Variants in DEPTOR observed in about 807,000 individuals in gnomAD.
DEPTOR encodes DEP domain containing MTOR interacting protein, also known as DEP domain-containing mTOR-interacting protein.
Under a neutral mutation model 41.6 loss-of-function variants are expected in DEPTOR, and 41 were observed. The observed-to-expected ratio is 0.98, with a 90% CI of 0.77 to 1.28. DEPTOR has a LOEUF of 1.28. Ranked by LOEUF, DEPTOR falls within the 50% of genes most tolerant of loss-of-function variation. The pLI is 0.00. For synonymous variants in DEPTOR, 195 were observed against 192.3 expected (o/e 1.01, Z -0.12); for missense variants, 514 against 527.9 (o/e 0.97, Z 0.26).
intron 4 of DEPTOR, among the ~76,000 whole-genome samples, chr8:119,976,717 G>A (rs538877160): frequency 6.6e-5 from 10 of 152,198 alleles, no homozygotes; most frequent in Non-Finnish European, 1.0e-4. Flanking sequence ...TGCAGTTGCC[G>A]TCTCCAGATG....
intron 1 of DEPTOR, among the ~76,000 whole-genome samples, chr8:119,924,651 G>C (rs529844081): frequency 6.6e-6 from 1 of 152,184 alleles, no homozygotes; most frequent in South Asian, 2.1e-4. Context: ...TACCCTATCG[G>C]TAAAACAGGC....
At chr8:119,904,239 G>A (rs1011145221) in intron 1 of DEPTOR, among the ~76,000 whole-genome samples, 17 of 150,828 alleles carry the variant, frequency 1.1e-4, no homozygotes, top group East Asian at 4.0e-4. Context: ...TGTCTCAGCC[G>A]CCCCGAGTAG....
intron 3 of DEPTOR, among the ~76,000 whole-genome samples, chr8:119,941,099 C>T (rs557149672): frequency 1.1e-3 from 162 of 151,988 alleles, no homozygotes; most frequent in African/African-American, 3.7e-3. Context: ...TGGGGCTGGG[C>T]GTGGTGGCAG....
chr8:120,019,386 A>T (rs1405682243), intron 8 of DEPTOR, among the ~76,000 whole-genome samples: 2 of 152,114 alleles, frequency 1.3e-5, no homozygotes, highest in East Asian at 3.9e-4. Flanking sequence ...CACTGGTGTC[A>T]CTCTCAATCA....
At chr8:120,007,325 C>T (rs1195232008) in intron 7 of DEPTOR, among the ~76,000 whole-genome samples, 1 of 152,070 alleles carries the variant, frequency 6.6e-6, no homozygotes, top group African/African-American at 2.4e-5. Context: ...TTATTTAAAA[C>T]ATTAGGGGAG....
In DEPTOR at chr8:119,976,470, G is replaced by C. The variant is rs117868212; in HGVS notation, c.604+11060G>C. ...CTTACTGAGGACTTGGCCTTTGCTGGGCACAATACTGGTGTTTATACCAGC... is the reference window on the plus strand; with the variant it reads ...CTTACTGAGGACTTGGCCTTTGCTGCGCACAATACTGGTGTTTATACCAGC... On this transcript the variant is annotated intron_variant, in intron 4 of 8. Transcript: ENST00000286234. Among the ~76,000 whole-genome samples, 48 of 152,176 alleles carry C rather than the reference G, an allele frequency of 3.2e-4. No individual in the cohort carries two copies. The East Asian group carries it at 5.8e-3, about 18-fold the overall frequency.
At chr8:119,890,643 G>A (rs1827441042) in intron 1 of DEPTOR, among the ~76,000 whole-genome samples, 2 of 152,134 alleles carry the variant, frequency 1.3e-5, no homozygotes, top group African/African-American at 2.4e-5. Flanking sequence ...TCAGTCATTT[G>A]TTAAATAATA....
intron 8 of DEPTOR, among the ~76,000 whole-genome samples, chr8:120,045,372 T>A (rs1813138813): frequency 6.6e-6 from 1 of 152,208 alleles, no homozygotes; most frequent in Non-Finnish European, 1.5e-5. Context: ...TTTTTATTTT[T>A]TATCTTTTAT....
At chr8:120,022,157 T>TAAAAAAAAAAAAAAAAAA (rs34125548) in intron 8 of DEPTOR, among the ~76,000 whole-genome samples, 12 of 93,732 alleles carry the variant, frequency 1.3e-4, no homozygotes, top group South Asian at 5.5e-4. Flanking sequence ...GACCCCATCT[T>TAAAAAAAAAAAAAAAAAA]AAAAAAAAAA....
In DEPTOR at chr8:119,929,950, A is replaced by C; in HGVS notation, c.425+12A>C. On this transcript the variant is annotated intron_variant, in intron 3 of 8. Transcript: ENST00000286234. ...AGGCTATATGAAAAGTATGTTCCGC[A>C]TGAAATCCCCCCTGTAATCTTGACT... The C allele has an allele frequency of 6.2e-7, 1 of 1,605,996 alleles. No individual in the cohort carries two copies. Among genetic ancestry groups the C allele is most frequent in the Non-Finnish European group, 8.5e-7 (1 of 1,174,228 alleles).
At chr8:120,016,092 C>G (rs929740125) in intron 8 of DEPTOR, among the ~76,000 whole-genome samples, 1 of 152,102 alleles carries the variant, frequency 6.6e-6, no homozygotes, top group Non-Finnish European at 1.5e-5. Flanking sequence ...GACCCCTTTT[C>G]CTCTCTATCT....
At chr8:119,941,779 T>G (rs76762427) in intron 3 of DEPTOR, among the ~76,000 whole-genome samples, 2,927 of 152,150 alleles carry the variant, frequency 0.019, 98 homozygotes, top group African/African-American at 0.067. Flanking sequence ...GTCTAGAGAG[T>G]TTAGCTAACT....
At chr8:119,926,532 C>T (rs940326466) in intron 1 of DEPTOR, among the ~76,000 whole-genome samples, 5 of 152,134 alleles carry the variant, frequency 3.3e-5, no homozygotes, top group African/African-American at 9.6e-5. Context: ...TAAGTAGGTC[C>T]CATGCAATAT....
chr8:119,947,772 A>C (rs759626904), intron 3 of DEPTOR, among the ~76,000 whole-genome samples: 1 of 152,174 alleles, frequency 6.6e-6, no homozygotes, highest in Non-Finnish European at 1.5e-5. Context: ...CAAAAGGATC[A>C]TTATGCTGTC....
At chr8:119,944,192 G>C (rs1351833140) in intron 3 of DEPTOR, among the ~76,000 whole-genome samples, 1 of 152,094 alleles carries the variant, frequency 6.6e-6, no homozygotes, top group African/African-American at 2.4e-5. Flanking sequence ...TTCTGGCTGG[G>C]AGCCTGTGAA....
chr8:119,959,158 C>CTTTTTTTTTTTTT (rs60202859), intron 3 of DEPTOR, among the ~76,000 whole-genome samples: 52 of 114,856 alleles, frequency 4.5e-4, no homozygotes, highest in South Asian at 9.3e-4. Context: ...TTCTTTCTTT[C>CTTTTTTTTTTTTT]TTTTTTTTTT....
intron 8 of DEPTOR, among the ~76,000 whole-genome samples, chr8:120,045,793 C>T (rs1252023194): frequency 1.3e-5 from 2 of 152,182 alleles, no homozygotes; most frequent in Non-Finnish European, 2.9e-5. Context: ...AGATCATGTG[C>T]ACCATAACCC....
intron 7 of DEPTOR, among the ~76,000 whole-genome samples, chr8:120,008,381 T>C (rs1346413466): frequency 4.0e-5 from 6 of 151,766 alleles, no homozygotes; most frequent in Non-Finnish European, 8.8e-5. Flanking sequence ...TACACAAAAT[T>C]AGCCAGGCAT....
chr8:119,900,181 G>T (rs1016060312), intron 1 of DEPTOR, among the ~76,000 whole-genome samples: 4 of 151,514 alleles, frequency 2.6e-5, no homozygotes, highest in Non-Finnish European at 5.9e-5. Context: ...TTAGCCAGGC[G>T]TGGTGGCGCA....
Sources: gnomAD v4.1 joint callset for allele counts (sites outside exome capture counted in the v4.1 genomes callset) on GRCh38, gnomAD v4.1.1 for gene constraint, MANE v1.5 for transcripts, NCBI Gene and HGNC (gene_info 2026-07-23, HGNC 2026-07-21) for gene names.